The following PCSK5 variants were observed in gnomAD, a reference collection of about 807,000 sequenced individuals.
PCSK5 encodes proprotein convertase subtilisin/kexin type 5.
In PCSK5, 129 loss-of-function variants were observed where a neutral mutation model predicts 233.2. The observed-to-expected ratio is 0.55, with a 90% CI of 0.48 to 0.64. PCSK5 has a LOEUF of 0.64. PCSK5 is among the 30% of genes least tolerant of loss of function. The pLI is 0.00. For synonymous variants in PCSK5, 825 were observed against 879.2 expected (o/e 0.94, Z 1.09); for missense variants, 2,076 against 2,430.1 (o/e 0.85, Z 3.06).
intron 8 of PCSK5, 80 bp downstream of exon 8, chr9:76,096,182 T>G: frequency 1.4e-6 from 1 of 716,464 alleles, no homozygotes; most frequent in Middle Eastern, 3.6e-4. Context: ...CATAAACATA[T>G]ATATATATAC....
At chr9:76,342,879 T>A (rs1222221919) in intron 35 of PCSK5, among the ~76,000 whole-genome samples, 1 of 152,034 alleles carries the variant, frequency 6.6e-6, no homozygotes, top group Non-Finnish European at 1.5e-5. Context: ...CCTCTCTCAA[T>A]CCCCACATTC....
chr9:76,150,171 T>G (rs2131796533), intron 10 of PCSK5, among the ~76,000 whole-genome samples: 1 of 152,324 alleles, frequency 6.6e-6, no homozygotes, highest in African/African-American at 2.4e-5. Flanking sequence ...GTACAGCTGC[T>G]GACCAAACCC....
intron 3 of PCSK5, among the ~76,000 whole-genome samples, chr9:75,992,825 A>G (rs1487341956): frequency 6.6e-6 from 1 of 152,166 alleles, no homozygotes; most frequent in East Asian, 1.9e-4. Context: ...GATTTCATGA[A>G]CGCTCTCTGG....
intron 9 of PCSK5, among the ~76,000 whole-genome samples, chr9:76,117,319 A>C (rs1484428712): frequency 2.0e-5 from 3 of 152,144 alleles, no homozygotes; most frequent in Non-Finnish European, 4.4e-5. Context: ...GGCAGAGATT[A>C]AAGATAATTA....
intron 14 of PCSK5, among the ~76,000 whole-genome samples, chr9:76,178,562 A>G (rs1823718437): frequency 6.6e-6 from 1 of 152,128 alleles, no homozygotes; most frequent in Non-Finnish European, 1.5e-5. Flanking sequence ...ACATTTTTTT[A>G]TGTTTCTGTG....
intron 3 of PCSK5, among the ~76,000 whole-genome samples, chr9:76,006,461 A>T (rs1827483044): frequency 6.6e-6 from 1 of 152,064 alleles, no homozygotes; most frequent in Non-Finnish European, 1.5e-5. Context: ...TATGCCCTTC[A>T]TTCCTTTTTC....
intron 1 of PCSK5, among the ~76,000 whole-genome samples, chr9:75,932,018 T>C (rs1823828762): frequency 6.6e-6 from 1 of 152,214 alleles, no homozygotes; most frequent in South Asian, 2.1e-4. Flanking sequence ...TTTTTATAAC[T>C]AGATAGCTAT....
chr9:75,955,057 A>G (rs868492224), intron 2 of PCSK5, among the ~76,000 whole-genome samples: 12 of 152,174 alleles, frequency 7.9e-5, no homozygotes, highest in Admixed American at 5.2e-4. Context: ...CGGACTGCCT[A>G]TATGAAGGGA....
Position 76,181,466 on chromosome 9 carries a change from C to T in PCSK5, c.2072C>T (p.Pro691Leu), listed in dbSNP as rs1483109230. 6.2e-7 allele frequency: 1 copy of T among 1,614,058 alleles called. No individual in the cohort carries two copies. Among genetic ancestry groups the T allele is most frequent in the Non-Finnish European group, 8.5e-7 (1 of 1,179,966 alleles). ...AAGAAGCGCTGCAGGAAGTGTGCCC[C>T]CAACTGTGAGTCCTGCTTTGGGAGC... ...ADKKRCRKCA[P>L]NCESCFGSHG... Residue 691 changes from proline to leucine, a missense_variant, in exon 16 of 38, where the codon CCC becomes CTC. Around this residue, in one of 6 missense-constraint regions of PCSK5, gnomAD observed 1,510 missense variants for 1,538.1 expected, o/e 0.98. Coordinates refer to ENST00000674117, the MANE Select transcript of PCSK5 (RefSeq NM_001372043.1).
rs534975761 is a variant in PCSK5, at chr9:76,120,697, A to G, written c.1208+13346A>G. Among the ~76,000 whole-genome samples the G allele has an allele frequency of 4.0e-5, 6 of 151,292 alleles. No individual in the cohort carries two copies. The South Asian group carries it at 1.0e-3, about 26-fold the overall frequency. On this transcript the variant is annotated intron_variant, in intron 9 of 37. Coordinates refer to ENST00000674117, the MANE Select transcript of PCSK5 (RefSeq NM_001372043.1). The stretch of plus-strand genomic sequence containing the variant: ...CTGATTTTCTTGTTTTTTTTTCCAG[A>G]ATATATTCATAGCATCTGATGATAG...
intron 20 of PCSK5, among the ~76,000 whole-genome samples, chr9:76,211,115 G>C (rs1011044146): frequency 2.6e-5 from 4 of 152,212 alleles, no homozygotes; most frequent in African/African-American, 9.7e-5. Flanking sequence ...TCAGGAGAAA[G>C]ATCTGGACTG....
intron 2 of PCSK5, among the ~76,000 whole-genome samples, chr9:75,944,362 A>AT (rs1824464339): frequency 6.6e-6 from 1 of 152,122 alleles, no homozygotes; most frequent in South Asian, 2.1e-4. Flanking sequence ...GCACATATGC[A>AT]TAAAAATAAC....
At chr9:76,092,573 T>C (rs1003616032) in intron 7 of PCSK5, among the ~76,000 whole-genome samples, 1 of 152,126 alleles carries the variant, frequency 6.6e-6, no homozygotes, top group African/African-American at 2.4e-5. Flanking sequence ...AATTTCTTAT[T>C]TTTTTCTTAG....
At chr9:76,012,967 A>G (rs1827793767) in intron 3 of PCSK5, among the ~76,000 whole-genome samples, 1 of 152,200 alleles carries the variant, frequency 6.6e-6, no homozygotes, top group African/African-American at 2.4e-5. Context: ...GAACTGTTAG[A>G]ATATTCAAAA....
chr9:76,165,777 A>G (rs1414944455), intron 12 of PCSK5, among the ~76,000 whole-genome samples: 11 of 152,144 alleles, frequency 7.2e-5, no homozygotes, highest in Admixed American at 6.5e-4. Flanking sequence ...TTGACATTTT[A>G]CCCACACTAA....
At chr9:76,181,193 GGTGTTGGGTAA>G (rs1823856247) in intron 15 of PCSK5, among the ~76,000 whole-genome samples, 194 bp from the exon 16 acceptor site, 1 of 152,174 alleles carries the variant, frequency 6.6e-6, no homozygotes, top group Admixed American at 6.5e-5. Context: ...TGGTAGATTT[GGTGTTGGGTAA>G]CTGCATTGCT....
At chr9:76,009,657 C>G (rs1389929040) in intron 3 of PCSK5, among the ~76,000 whole-genome samples, 1 of 151,116 alleles carries the variant, frequency 6.6e-6, no homozygotes, top group Non-Finnish European at 1.5e-5. Flanking sequence ...AAAGAAAAAT[C>G]CTATTACCTT....
chr9:76,067,106 C>T (rs1223353935), intron 5 of PCSK5, among the ~76,000 whole-genome samples: 1 of 152,204 alleles, frequency 6.6e-6, no homozygotes, highest in East Asian at 1.9e-4. Context: ...AGTTTTAGGC[C>T]ACCGTTTCTA....
At chr9:76,349,612 T>G (rs1564195392) in intron 35 of PCSK5, among the ~76,000 whole-genome samples, 2 of 152,196 alleles carry the variant, frequency 1.3e-5, no homozygotes, top group African/African-American at 2.4e-5. Context: ...TGAATGTAAA[T>G]GACAGATCCA....
Sources: allele counts gnomAD v4.1 joint callset (sites outside exome capture counted in the v4.1 genomes callset), GRCh38; gene constraint gnomAD v4.1.1; regional missense constraint gnomAD v4.1.1; transcripts MANE v1.5; gene names NCBI Gene and HGNC (gene_info 2026-07-23, HGNC 2026-07-21).